Variants in RBL1 observed in about 807,000 individuals in gnomAD.
RBL1 encodes RB transcriptional corepressor like 1, also known as retinoblastoma-like protein 1.
RBL1 carries 82 observed loss-of-function variants against 123.0 expected under a neutral mutation model. That is an observed-to-expected ratio of 0.67 (90% CI 0.56 to 0.80). The LOEUF is 0.80. Among genes scored for constraint, RBL1 ranks in the 30% least tolerant of loss-of-function variants. The pLI, the probability that RBL1 is intolerant of heterozygous loss-of-function variation, is 0.00. For missense variants in RBL1, 1,171 were observed against 1,299.6 expected, an observed-to-expected ratio of 0.90 and a Z score of 1.52; for synonymous variants, 405 against 441.3, an observed-to-expected ratio of 0.92 and a Z score of 1.03.
At chr20:37,080,944 C>A (rs1250707613) in intron 2 of RBL1, among the ~76,000 whole-genome samples, 1 of 152,194 alleles carries the variant, frequency 6.6e-6, no homozygotes, top group Non-Finnish European at 1.5e-5. Context: ...GATCCATCAT[C>A]AGACTGTTCC....
chr20:37,077,302 T>C (rs192489187), intron 2 of RBL1, among the ~76,000 whole-genome samples: 40 of 152,354 alleles, frequency 2.6e-4, no homozygotes, highest in Admixed American at 2.4e-3. Context: ...TGTGTCAGCT[T>C]GGCTGGGCCA....
chr20:37,007,884 C>G (rs930929944), intron 19 of RBL1, among the ~76,000 whole-genome samples: 8 of 152,086 alleles, frequency 5.3e-5, no homozygotes, highest in African/African-American at 1.9e-4. Flanking sequence ...AGCCACCATG[C>G]CCAGCCACAA....
chr20:37,049,959 G>A (rs1007870369), intron 11 of RBL1, among the ~76,000 whole-genome samples: 4 of 151,776 alleles, frequency 2.6e-5, no homozygotes, highest in African/African-American at 9.7e-5. Context: ...CTACTCGGGA[G>A]GCTGAGGCAG....
At chr20:37,002,637 C>T (rs1405333942) in intron 21 of RBL1, among the ~76,000 whole-genome samples, 2 of 151,186 alleles carry the variant, frequency 1.3e-5, no homozygotes, top group East Asian at 4.0e-4. Context: ...CCGTGCCCGG[C>T]CCTAATCTGT....
intron 10 of RBL1, among the ~76,000 whole-genome samples, chr20:37,055,866 T>C (rs950584735): frequency 2.0e-5 from 3 of 152,014 alleles, no homozygotes. Context: ...CTAACCAACA[T>C]GGTGAAACTC....
chr20:37,000,767 G>A (rs2063960858), intron 21 of RBL1, among the ~76,000 whole-genome samples: 1 of 133,180 alleles, frequency 7.5e-6, no homozygotes, highest in Non-Finnish European at 1.6e-5. Context: ...CCAGGAGGGA[G>A]GCGGGGGGGT....
At chr20:37,095,488 T>C (rs778754945) in intron 1 of RBL1, among the ~76,000 whole-genome samples, 1 of 152,196 alleles carries the variant, frequency 6.6e-6, no homozygotes, top group Non-Finnish European at 1.5e-5. Context: ...GGCAGCACCA[T>C]GACTTTTGTG....
At chr20:37,062,311 C>A in intron 7 of RBL1, 41 bp from the exon 8 acceptor site, 1 of 1,585,664 alleles carries the variant, frequency 6.3e-7, no homozygotes, top group South Asian at 1.1e-5. Context: ...CTAAGTTACA[C>A]AATGGATTTA....
intron 14 of RBL1, among the ~76,000 whole-genome samples, chr20:37,038,333 G>A (rs1371215931): frequency 3.8e-5 from 5 of 132,688 alleles, no homozygotes; most frequent in African/African-American, 8.7e-5. Flanking sequence ...TCGGAGACTC[G>A]CTCTTTCGCC....
chr20:37,000,594 G>T lies in RBL1; in HGVS notation c.3037-1665C>A, dbSNP rs1161681214. Among the ~76,000 whole-genome samples the T allele has an allele frequency of 2.1e-5, 3 of 143,764 alleles. No homozygotes were observed. The East Asian group carries it at 6.7e-4, about 32-fold the overall frequency. 94.3% of individuals were successfully genotyped at this position (143,764 alleles called of 152,430 possible). ...CAGCCGCCCCGTCCAGGAAGGATGT[G>T]GGGGGGTCAGCCCCGGGCCCGGCCA... is the stretch of plus-strand genomic sequence containing the variant. On this transcript the variant is annotated intron_variant, in intron 21 of 21. Transcript: ENST00000373664.
At chr20:37,089,774 A>G (rs1376243176) in intron 1 of RBL1, among the ~76,000 whole-genome samples, 3 of 152,106 alleles carry the variant, frequency 2.0e-5, no homozygotes, top group Admixed American at 1.3e-4. Context: ...GTCACTTAAG[A>G]TTATAATACT....
chr20:37,019,491 A>G (rs978377229), intron 18 of RBL1, among the ~76,000 whole-genome samples: 1 of 152,204 alleles, frequency 6.6e-6, no homozygotes, highest in Non-Finnish European at 1.5e-5. Context: ...TCTGTTCCTG[A>G]GGGATTTTCC....
At position 36,997,311 on chromosome 20, in the gene RBL1, C is replaced by T. The variant is rs181406723; in HGVS notation, c.*1448G>A. The T allele has an allele frequency of 3.2e-4, 48 of 152,014 alleles. 1 individual carries two copies. The highest frequency in any genetic ancestry group is 2.6e-3 in the Admixed American group (39 of 15,240). 9.4% of individuals were successfully genotyped at this position (152,014 alleles called of 1,614,324 possible). On this transcript the variant is annotated 3_prime_UTR_variant, in exon 22 of 22. Coordinates refer to ENST00000373664, the MANE Select transcript of RBL1 (RefSeq NM_002895.5). ...GTACTGAAAAACATCTTCAGGAGTACTCAGTACTCCCTAGTACATCCCTAG... is the reference window on the plus strand; with the variant it reads ...GTACTGAAAAACATCTTCAGGAGTATTCAGTACTCCCTAGTACATCCCTAG...
intron 21 of RBL1, among the ~76,000 whole-genome samples, chr20:37,002,877 C>T (rs918811544): frequency 2.6e-5 from 4 of 151,832 alleles, no homozygotes; most frequent in Admixed American, 6.6e-5. Flanking sequence ...TGCGCACCAC[C>T]ATGCCTGGCT....
At chr20:37,085,862 G>A (rs2146331879) in intron 2 of RBL1, among the ~76,000 whole-genome samples, 1 of 151,924 alleles carries the variant, frequency 6.6e-6, no homozygotes, top group Non-Finnish European at 1.5e-5. Flanking sequence ...TGTTAGCCAG[G>A]ATGGTCTCGA....
At chr20:37,003,466 A>T in intron 21 of RBL1, 2 of 811,122 alleles carry the variant, frequency 2.5e-6, no homozygotes, top group Non-Finnish European at 3.2e-6. Flanking sequence ...TTGCTTGAAC[A>T]GGAAAACATG....
At chr20:37,068,533 A>G (rs2065220815) in intron 2 of RBL1, among the ~76,000 whole-genome samples, 1 of 151,980 alleles carries the variant, frequency 6.6e-6, no homozygotes, top group Non-Finnish European at 1.5e-5. Flanking sequence ...ATTTAATTAA[A>G]AAAAAAAAGT....
At chr20:37,075,220 C>T (rs1005406454) in intron 2 of RBL1, among the ~76,000 whole-genome samples, 3 of 151,980 alleles carry the variant, frequency 2.0e-5, no homozygotes, top group East Asian at 1.9e-4. Context: ...GGTTGGAATA[C>T]GAAGTGAATG....
rs752292062 is a variant in RBL1 at position 37,095,953 on chromosome 20, G to C, written c.-25C>G. 6 of 1,487,640 alleles carry C rather than the reference G, an allele frequency of 4.0e-6. No individual in the cohort carries two copies. In the East Asian group the frequency reaches 1.2e-4, roughly 30 times the overall value. The allele number at this position is 1,487,640 out of a possible 1,614,324, so 92.2% of individuals were successfully genotyped here. ...TCCCTTCAGGCCCCGCGGGCTGCGCGCCACGGCCCCCGACTTCTTTCTCCC... is the reference window on the plus strand; with the variant it reads ...TCCCTTCAGGCCCCGCGGGCTGCGCCCCACGGCCCCCGACTTCTTTCTCCC... On this transcript the variant is annotated 5_prime_UTR_variant, in exon 1 of 22. Coordinates refer to ENST00000373664, the MANE Select transcript of RBL1 (RefSeq NM_002895.5).
Sources: allele counts gnomAD v4.1 joint callset (sites outside exome capture counted in the v4.1 genomes callset), GRCh38; gene constraint gnomAD v4.1.1; transcripts MANE v1.5; gene names NCBI Gene and HGNC (gene_info 2026-07-23, HGNC 2026-07-21).